The following TFEC variants were observed in gnomAD, a reference collection of about 807,000 sequenced individuals.
The protein encoded by TFEC is transcription factor EC, also known as class E basic helix-loop-helix protein 34.
A neutral mutation model predicts 41.6 loss-of-function variants in TFEC; 31 were observed. The observed-to-expected ratio is 0.74, with a 90% CI of 0.56 to 1.01. The LOEUF is 1.01. TFEC is among the 50% of genes least tolerant of loss of function. TFEC has a pLI of 0.00. For missense variants in TFEC, 402 were observed against 404.1 expected, an observed-to-expected ratio of 0.99 and a Z score of 0.04; for synonymous variants, 143 against 140.6, an observed-to-expected ratio of 1.02 and a Z score of -0.12.
intron 3 of TFEC, among the ~76,000 whole-genome samples, chr7:115,970,410 A>T (rs1475962123): frequency 6.6e-6 from 1 of 151,916 alleles, no homozygotes; most frequent in Non-Finnish European, 1.5e-5. Flanking sequence ...GGAGGAGAGA[A>T]TGAGAGGGAA....
chr7:116,049,332 A>C (rs1246493828), intron 3 of TFEC, among the ~76,000 whole-genome samples: 1 of 152,230 alleles, frequency 6.6e-6, no homozygotes. Context: ...TTGCAATCCT[A>C]GTCTCTGATA....
rs372781369 is a variant in TFEC at position 115,963,342 on chromosome 7, C to T, written c.268-6549G>A. Among the ~76,000 whole-genome samples the T allele has an allele frequency of 5.3e-5, 8 of 151,750 alleles. No homozygotes were observed. In the East Asian group the frequency reaches 9.8e-4, roughly 19 times the overall value. On this transcript the variant is annotated intron_variant, in intron 3 of 7. Coordinates refer to ENST00000265440, the MANE Select transcript of TFEC (RefSeq NM_012252.4). ...AAAAATTGAGGAGTGCTGGTGGTAA[C>T]GTGAAATGGTGCAGCCATTGTGGAA...
intron 3 of TFEC, among the ~76,000 whole-genome samples, chr7:116,102,363 A>G (rs949152310): frequency 6.6e-6 from 1 of 152,182 alleles, no homozygotes; most frequent in Non-Finnish European, 1.5e-5. Context: ...GTTTGGAAAA[A>G]GGGTATCAAT....
Position 116,019,845 on chromosome 7 carries a change from AGCTAACTAAG to A in TFEC, c.-73+10778_-73+10787del, listed in dbSNP as rs1192549706. ...CCTTATTTGATGCATTTTATTGATGAGCTAACTAAGGCTCAGAGAGATTAAGCAACTTGTG... is the reference window on the plus strand; with the variant it reads ...CCTTATTTGATGCATTTTATTGATGAGCTCAGAGAGATTAAGCAACTTGTG... On this transcript the variant is annotated intron_variant, in intron 1 of 7. Transcript: ENST00000265440. Among the ~76,000 whole-genome samples, 16 of 152,306 alleles carry A rather than the reference AGCTAACTAAG, an allele frequency of 1.1e-4. No homozygotes were observed. The East Asian group carries it at 3.1e-3, about 29-fold the overall frequency.
At chr7:116,035,784 C>A (rs1795895253), upstream of TFEC, among the ~76,000 whole-genome samples, 1 of 151,676 alleles carries the variant, frequency 6.6e-6, no homozygotes, top group African/African-American at 2.4e-5. Flanking sequence ...TTAATAAACA[C>A]TTTTAGGACA....
At position 116,048,830 on chromosome 7, in the gene TFEC, C is replaced by T. The variant is rs542744047; in HGVS notation, c.198+61878G>A. On this transcript the variant is annotated intron_variant, in intron 3 of 8. Coordinates refer to the TFEC transcript ENST00000484212. ...GAAGAGAGTGGGGGCCAATATTCAA[C>T]ATTCTTAAAGAAAAGAATTTTCAAC... is the stretch of plus-strand genomic sequence containing the variant. Among the ~76,000 whole-genome samples the T allele has an allele frequency of 1.0e-3, 159 of 152,324 alleles. 1 individual carries two copies. Among genetic ancestry groups the T allele is most frequent in the African/African-American group, 3.7e-3 (154 of 41,572 alleles).
chr7:115,996,602 A>C (rs1794378543), intron 1 of TFEC, among the ~76,000 whole-genome samples: 1 of 151,900 alleles, frequency 6.6e-6, no homozygotes, highest in African/African-American at 2.4e-5. Context: ...AGCTAGCCAC[A>C]CTGGGGTAGA....
intron 1 of TFEC, 93 bp from the exon 2 acceptor site, chr7:115,984,606 C>T (rs1584638502): frequency 1.4e-6 from 2 of 1,424,652 alleles, no homozygotes; most frequent in East Asian, 4.9e-5. Flanking sequence ...AATAAACACA[C>T]TACACTATAG....
At chr7:116,108,965 AATGGGGAAAGGATTCCCT>A (rs1797783680) in intron 3 of TFEC, among the ~76,000 whole-genome samples, 2 of 152,146 alleles carry the variant, frequency 1.3e-5, no homozygotes, top group African/African-American at 4.8e-5. Context: ...AAAAACAAGA[AATGGGGAAAGGATTCCCT>A]ATTTAATAAA....
intron 3 of TFEC, among the ~76,000 whole-genome samples, chr7:115,973,373 T>C (rs1312003436): frequency 6.6e-6 from 1 of 151,976 alleles, no homozygotes; most frequent in Non-Finnish European, 1.5e-5. Flanking sequence ...CTCAATATAG[T>C]CAGAATTCAC....
intron 3 of TFEC, among the ~76,000 whole-genome samples, chr7:116,057,769 G>C (rs1464083334): frequency 6.6e-6 from 1 of 151,722 alleles, no homozygotes; most frequent in Non-Finnish European, 1.5e-5. Flanking sequence ...AGAAATCAAA[G>C]TACACAATTG....
intron 6 of TFEC, among the ~76,000 whole-genome samples, chr7:115,942,690 G>T (rs1793566479): frequency 6.6e-6 from 1 of 151,820 alleles, no homozygotes; most frequent in African/African-American, 2.4e-5. Context: ...TTTAAGATAA[G>T]TAAATATAAT....
chr7:116,075,119 TG>T (rs1352008967), intron 3 of TFEC, among the ~76,000 whole-genome samples: 2 of 152,218 alleles, frequency 1.3e-5, no homozygotes, highest in Non-Finnish European at 2.9e-5. Flanking sequence ...AGTTAGATTG[TG>T]GTAATGTTTG....
intron 2 of TFEC, among the ~76,000 whole-genome samples, chr7:115,980,432 T>C (rs1035761617): frequency 2.6e-5 from 4 of 152,146 alleles, no homozygotes; most frequent in Non-Finnish European, 5.9e-5. Flanking sequence ...CTACTTTTCA[T>C]GGGAGTTGCC....
At chr7:116,126,825 C>T (rs1798219991) in intron 1 of TFEC, among the ~76,000 whole-genome samples, 2 of 152,006 alleles carry the variant, frequency 1.3e-5, no homozygotes, top group African/African-American at 4.8e-5. Context: ...AAAAAGAGAA[C>T]AAATGATACC....
intron 3 of TFEC, among the ~76,000 whole-genome samples, chr7:116,091,568 G>A (rs555582556): frequency 1.2e-4 from 19 of 152,092 alleles, no homozygotes; most frequent in Admixed American, 4.6e-4. Flanking sequence ...AGATGTTTCC[G>A]TAAGAGAATA....
At chr7:116,100,586 GGGGTTACTT>G (rs140749930) in intron 3 of TFEC, among the ~76,000 whole-genome samples, 23,582 of 151,108 alleles carry the variant, frequency 0.16, 1,946 homozygotes, top group East Asian at 0.33. Flanking sequence ...AAAGAGACAG[GGGGTTACTT>G]GGTTCTCTAA....
intron 1 of TFEC, among the ~76,000 whole-genome samples, chr7:116,149,608 T>C (rs1035153031): frequency 1.3e-5 from 2 of 152,186 alleles, no homozygotes; most frequent in African/African-American, 2.4e-5. Flanking sequence ...TGTATTTTTA[T>C]TGCCTGCAGT....
intron 1 of TFEC, among the ~76,000 whole-genome samples, chr7:116,001,067 A>G (rs540371886): frequency 6.6e-6 from 1 of 152,202 alleles, no homozygotes; most frequent in Non-Finnish European, 1.5e-5. Context: ...ATTATACTTC[A>G]GAGCTATAGT....
Sources: allele counts gnomAD v4.1 joint callset (sites outside exome capture counted in the v4.1 genomes callset), GRCh38; gene constraint gnomAD v4.1.1; transcripts MANE v1.5; gene names NCBI Gene and HGNC (gene_info 2026-07-23, HGNC 2026-07-21).